The following NRXN1 variants were observed in gnomAD, a reference collection of about 807,000 sequenced individuals.
The protein encoded by NRXN1 is neurexin-1.
A neutral mutation model predicts 150.9 loss-of-function variants in NRXN1; 39 were observed. That is an observed-to-expected ratio of 0.26 (90% CI 0.20 to 0.34). The LOEUF is 0.34. Ranked by LOEUF, NRXN1 falls within the 10% of genes least tolerant of loss-of-function variation. The pLI, the probability that NRXN1 is intolerant of heterozygous loss-of-function variation, is 1.00. For synonymous variants in NRXN1, 924 were observed against 757.0 expected, an observed-to-expected ratio of 1.22 and a Z score of -3.62; for missense variants, 1,815 against 1,949.9, an observed-to-expected ratio of 0.93 and a Z score of 1.30.
intron 5 of NRXN1, among the ~76,000 whole-genome samples, chr2:50,660,450 A>C (rs1419397233): frequency 6.6e-6 from 1 of 152,064 alleles, no homozygotes; most frequent in Admixed American, 6.6e-5. Flanking sequence ...TGACTGAGAT[A>C]AAATTACTTG....
chr2:50,396,297 T>C (rs1383578135), intron 17 of NRXN1, among the ~76,000 whole-genome samples: 1 of 152,200 alleles, frequency 6.6e-6, no homozygotes, highest in African/African-American at 2.4e-5. Flanking sequence ...GACTTCATTA[T>C]TGTCAATTTA....
intron 5 of NRXN1, among the ~76,000 whole-genome samples, chr2:50,674,212 G>T (rs902361633): frequency 6.6e-6 from 1 of 152,160 alleles, no homozygotes; most frequent in Non-Finnish European, 1.5e-5. Context: ...ATATTGCCTG[G>T]AAGGGTAAAG....
At chr2:50,180,398 G>A (rs1204010238) in intron 18 of NRXN1, among the ~76,000 whole-genome samples, 2 of 152,054 alleles carry the variant, frequency 1.3e-5, no homozygotes, top group African/African-American at 2.4e-5. Flanking sequence ...CCTTGCTAGT[G>A]TTCCAGCATG....
intron 18 of NRXN1, among the ~76,000 whole-genome samples, chr2:50,196,248 G>T (rs995975989): frequency 6.6e-6 from 1 of 152,012 alleles, no homozygotes; most frequent in Admixed American, 6.6e-5. Flanking sequence ...TCTGTGTAGG[G>T]TAGATTCACT....
intron 17 of NRXN1, among the ~76,000 whole-genome samples, chr2:50,348,026 T>C (rs753308676): frequency 9.2e-5 from 14 of 152,190 alleles, no homozygotes; most frequent in Non-Finnish European, 1.6e-4. Flanking sequence ...CAATGGCAAA[T>C]GGCACCCTTC....
intron 5 of NRXN1, among the ~76,000 whole-genome samples, chr2:50,879,693 T>C (rs1281090108): frequency 6.6e-6 from 1 of 151,932 alleles, no homozygotes; most frequent in African/African-American, 2.4e-5. Flanking sequence ...GTCTAGTCTG[T>C]GAACAGATGA....
chr2:50,360,490 C>A (rs949905798), intron 17 of NRXN1, among the ~76,000 whole-genome samples: 1 of 151,936 alleles, frequency 6.6e-6, no homozygotes, highest in Non-Finnish European at 1.5e-5. Flanking sequence ...TACACCAACA[C>A]CAACAAACAT....
At chr2:50,372,332 A>C (rs2080089854) in intron 17 of NRXN1, among the ~76,000 whole-genome samples, 1 of 152,078 alleles carries the variant, frequency 6.6e-6, no homozygotes, top group East Asian at 1.9e-4. Context: ...TTACGGTCTA[A>C]CTGGGAAGAT....
intron 2 of NRXN1, among the ~76,000 whole-genome samples, chr2:50,999,897 C>T (rs1699818108): frequency 6.6e-6 from 1 of 152,072 alleles, no homozygotes; most frequent in Non-Finnish European, 1.5e-5. Flanking sequence ...TCTTGTGCAT[C>T]TGTAAGCTAT....
At chr2:50,988,742 G>C (rs771709000) in intron 2 of NRXN1, among the ~76,000 whole-genome samples, 1 of 151,886 alleles carries the variant, frequency 6.6e-6, no homozygotes, top group Admixed American at 6.6e-5. Flanking sequence ...GAACACAGGC[G>C]TTAGCAGCTG....
intron 12 of NRXN1, among the ~76,000 whole-genome samples, chr2:50,511,990 T>C (rs554516460): frequency 5.9e-5 from 9 of 152,126 alleles, no homozygotes; most frequent in Non-Finnish European, 1.3e-4. Context: ...CCCCAGTCTG[T>C]CATCAACTAA....
chr2:50,741,116 AT>A (rs1467808313), intron 5 of NRXN1, among the ~76,000 whole-genome samples: 1 of 152,166 alleles, frequency 6.6e-6, no homozygotes. Flanking sequence ...ATCAATATTA[AT>A]TAAAAAAAGA....
In NRXN1 at chr2:50,782,020, G is replaced by A. The variant is rs140156374; in HGVS notation, c.832+139849C>T. Among the ~76,000 whole-genome samples, 193 of 152,220 alleles carry A rather than the reference G, an allele frequency of 1.3e-3. 1 individual carries two copies. The highest frequency in any genetic ancestry group is 4.5e-3 in the African/African-American group (188 of 41,562). On this transcript the variant is annotated intron_variant, in intron 5 of 22. Coordinates refer to ENST00000401669, the MANE Select transcript of NRXN1 (RefSeq NM_001330078.2). Reference sequence around the variant, plus strand: ...TCACCGAAAAATAAGTCATTCAGTTGATATATTTTCTTCTGCTCTTTTCCT... The same window carrying A: ...TCACCGAAAAATAAGTCATTCAGTTAATATATTTTCTTCTGCTCTTTTCCT...
intron 5 of NRXN1, among the ~76,000 whole-genome samples, chr2:50,707,976 G>A (rs1439866321): frequency 1.3e-5 from 2 of 152,140 alleles, no homozygotes; most frequent in East Asian, 3.9e-4. Flanking sequence ...TTGTAAAAAT[G>A]TGGATTGCTA....
chr2:50,763,269 T>G (rs1344120781), intron 5 of NRXN1, among the ~76,000 whole-genome samples: 2 of 152,012 alleles, frequency 1.3e-5, no homozygotes, highest in African/African-American at 4.8e-5. Context: ...CTCTTTGGAC[T>G]GTGGATTTTC....
chr2:50,614,012 GA>G (rs1051712803), intron 8 of NRXN1, among the ~76,000 whole-genome samples: 1 of 152,088 alleles, frequency 6.6e-6, no homozygotes. Flanking sequence ...GATCTGTATG[GA>G]AAATGTTTAG....
intron 19 of NRXN1, among the ~76,000 whole-genome samples, chr2:50,062,249 G>T (rs1159886680): frequency 6.6e-6 from 1 of 151,970 alleles, no homozygotes; most frequent in African/African-American, 2.4e-5. Context: ...AAGCCTTTGG[G>T]AGCTGATTAG....
rs77970376 is a variant in NRXN1, at chr2:50,785,723, A to G, written c.832+136146T>C. 8.5e-3 allele frequency among the ~76,000 whole-genome samples: 1,295 copies of G among 152,242 alleles called. 16 individuals are homozygous for G. The highest frequency in any genetic ancestry group is 0.029 in the African/African-American group (1,212 of 41,548). On this transcript the variant is annotated intron_variant, in intron 5 of 22. Transcript: ENST00000401669. ...AAGCCAGGAGCAGACAGGTGAGTAG[A>G]GCAGGAGCTTCTGCTTGGTAGTTTT...
At chr2:50,536,181 T>C (rs1172430433) in intron 10 of NRXN1, among the ~76,000 whole-genome samples, 1 of 152,176 alleles carries the variant, frequency 6.6e-6, no homozygotes, top group Non-Finnish European at 1.5e-5. Flanking sequence ...CACATTTCCT[T>C]TGCTTTCAGG....
Sources: gnomAD v4.1 joint callset for allele counts (sites outside exome capture counted in the v4.1 genomes callset) on GRCh38, gnomAD v4.1.1 for gene constraint, MANE v1.5 for transcripts, NCBI Gene and HGNC (gene_info 2026-07-23, HGNC 2026-07-21) for gene names.